BMPR2: variants seen among roughly 807,000 people sequenced by gnomAD.
BMPR2 encodes bone morphogenetic protein receptor type-2.
Under a neutral mutation model 100.8 loss-of-function variants are expected in BMPR2, and 29 were observed. That is an observed-to-expected ratio of 0.29 (90% confidence interval 0.21 to 0.39). BMPR2 has a LOEUF of 0.39. BMPR2 is among the 10% of genes least tolerant of loss of function. The pLI is 1.00. For synonymous variants in BMPR2, 382 were observed against 442.3 expected, an observed-to-expected ratio of 0.86 and a Z score of 1.71; for missense variants, 1,011 against 1,274.5, an observed-to-expected ratio of 0.79 and a Z score of 3.15.
intron 1 of BMPR2, among the ~76,000 whole-genome samples, chr2:202,382,506 G>A (rs375200526): frequency 6.6e-6 from 1 of 152,140 alleles, no homozygotes; most frequent in Non-Finnish European, 1.5e-5. Context: ...TCAGTTTTAT[G>A]TATTTGCCTT....
At chr2:202,394,778 T>C (rs966071795) in intron 1 of BMPR2, among the ~76,000 whole-genome samples, 16 of 152,126 alleles carry the variant, frequency 1.1e-4, no homozygotes, top group African/African-American at 3.9e-4. Context: ...TTTTCATAAA[T>C]AAAGATATTG....
Position 202,555,385 on chromosome 2 carries a change from A to G in BMPR2, c.1720A>G (p.Ser574Gly), listed in dbSNP as rs773560111. Residue 574 changes from serine (S) to glycine (G), a missense_variant, in exon 12 of 13, where the codon AGC becomes GGC. Transcript: ENST00000374580. ...KNISSEHSMS[S>G]TPLTIGEKNR... ...TATTTCCTCTGAGCATTCTATGTCC[A>G]GCACACCTTTGACTATAGGGGAAAA... 5 of 1,614,106 alleles carry G rather than the reference A, an allele frequency of 3.1e-6. No individual in the cohort carries two copies. The highest frequency in any genetic ancestry group is 1.1e-5 in the South Asian group (1 of 91,092).
chr2:202,387,282 C>G (rs1215428162), intron 1 of BMPR2, among the ~76,000 whole-genome samples: 1 of 152,174 alleles, frequency 6.6e-6, no homozygotes, highest in Non-Finnish European at 1.5e-5. Context: ...TGAAGAGACA[C>G]ATGAGCATTT....
At chr2:202,407,681 A>G (rs1319322209) in intron 1 of BMPR2, among the ~76,000 whole-genome samples, 1 of 150,874 alleles carries the variant, frequency 6.6e-6, no homozygotes, top group Non-Finnish European at 1.5e-5. Context: ...AGGCAGGAGA[A>G]TGGAGTGAAC....
At chr2:202,415,836 A>G (rs1002177334) in intron 1 of BMPR2, among the ~76,000 whole-genome samples, 1 of 152,240 alleles carries the variant, frequency 6.6e-6, no homozygotes, top group African/African-American at 2.4e-5. Flanking sequence ...ATGTAGATGT[A>G]TAAGGAGATG....
At chr2:202,418,292 G>T (rs1342971258) in intron 1 of BMPR2, among the ~76,000 whole-genome samples, 1 of 152,180 alleles carries the variant, frequency 6.6e-6, no homozygotes, top group African/African-American at 2.4e-5. Flanking sequence ...AGAACTCAGG[G>T]TCTGGTTCCA....
At chr2:202,515,819 G>A (rs1490481947) in intron 5 of BMPR2, among the ~76,000 whole-genome samples, 1 of 152,148 alleles carries the variant, frequency 6.6e-6, no homozygotes. Flanking sequence ...AACCCAGAAG[G>A]TGGAGGTTGC....
At chr2:202,390,597 G>T (rs1460603903) in intron 1 of BMPR2, among the ~76,000 whole-genome samples, 1 of 152,106 alleles carries the variant, frequency 6.6e-6, no homozygotes, top group African/African-American at 2.4e-5. Context: ...CTCCCAAAGT[G>T]CTGAGATTAC....
intron 1 of BMPR2, among the ~76,000 whole-genome samples, chr2:202,380,255 TTAA>T (rs1690250479): frequency 6.6e-6 from 1 of 152,130 alleles, no homozygotes; most frequent in Non-Finnish European, 1.5e-5. Context: ...GAATGAATTC[TTAA>T]TAAAAGAATA....
chr2:202,448,049 C>T (rs1691888654), intron 1 of BMPR2, among the ~76,000 whole-genome samples: 1 of 150,248 alleles, frequency 6.7e-6, no homozygotes, highest in African/African-American at 2.5e-5. Flanking sequence ...GAATATAACA[C>T]CTTAAGGGTA....
At chr2:202,405,982 G>A (rs1301216422) in intron 1 of BMPR2, among the ~76,000 whole-genome samples, 1 of 151,230 alleles carries the variant, frequency 6.6e-6, no homozygotes, top group African/African-American at 2.4e-5. Context: ...TGCATGTGTA[G>A]TTTGTTTTTG....
intron 9 of BMPR2, among the ~76,000 whole-genome samples, chr2:202,539,770 G>A (rs1024873156): frequency 6.6e-6 from 1 of 152,094 alleles, no homozygotes; most frequent in South Asian, 2.1e-4. Flanking sequence ...GCTAAAAAAA[G>A]GTCTGTAACT....
intron 1 of BMPR2, among the ~76,000 whole-genome samples, chr2:202,444,845 A>G (rs984027016): frequency 2.7e-5 from 4 of 150,680 alleles, no homozygotes; most frequent in Non-Finnish European, 4.4e-5. Flanking sequence ...CTGAAGTGCA[A>G]TGGCACGATC....
chr2:202,488,905 A>G (rs931384801), intron 3 of BMPR2, among the ~76,000 whole-genome samples: 3 of 151,790 alleles, frequency 2.0e-5, no homozygotes, highest in Admixed American at 6.6e-5. Flanking sequence ...CCTGCTCCCA[A>G]CCCTTGGCAA....
At chr2:202,482,594 A>G (rs1692681979) in intron 3 of BMPR2, among the ~76,000 whole-genome samples, 1 of 150,078 alleles carries the variant, frequency 6.7e-6, no homozygotes, top group Non-Finnish European at 1.5e-5. Flanking sequence ...GCTGGAGTAC[A>G]GTGGCACGAT....
chr2:202,471,864 TTAAGAA>T (rs1692444751), intron 3 of BMPR2, among the ~76,000 whole-genome samples: 1 of 152,042 alleles, frequency 6.6e-6, no homozygotes, highest in Non-Finnish European at 1.5e-5. Flanking sequence ...TAAGAAGTGT[TTAAGAA>T]TAAAGGACCA....
chr2:202,482,006 TC>T (rs1390233678), intron 3 of BMPR2, among the ~76,000 whole-genome samples: 5 of 152,172 alleles, frequency 3.3e-5, no homozygotes, highest in Non-Finnish European at 5.9e-5. Context: ...TCTCAGGCCC[TC>T]CAGCCACCCT....
chr2:202,385,432 C>G (rs1690407401), intron 1 of BMPR2, among the ~76,000 whole-genome samples: 1 of 121,030 alleles, frequency 8.3e-6, no homozygotes, highest in South Asian at 2.7e-4. Context: ...GTGGCGTGAT[C>G]TCGGCTCACG....
At chr2:202,457,718 A>C (rs1420489888) in intron 1 of BMPR2, among the ~76,000 whole-genome samples, 1 of 151,910 alleles carries the variant, frequency 6.6e-6, no homozygotes, top group Non-Finnish European at 1.5e-5. Flanking sequence ...CAAGACATAG[A>C]TTGCAAGTTT....
Sources: gnomAD v4.1 joint callset for allele counts (sites outside exome capture counted in the v4.1 genomes callset) on GRCh38, gnomAD v4.1.1 for gene constraint, MANE v1.5 for transcripts, NCBI Gene and HGNC (gene_info 2026-07-23, HGNC 2026-07-21) for gene names.